The following RAB28 variants were observed in gnomAD, a reference collection of about 807,000 sequenced individuals.
The protein encoded by RAB28 is RAB28, member RAS oncogene family, also known as ras-related protein Rab-28.
A neutral mutation model predicts 31.7 loss-of-function variants in RAB28; 24 were observed. That is an observed-to-expected ratio of 0.76 (90% CI 0.55 to 1.06). The LOEUF (loss-of-function observed/expected upper bound fraction) is 1.06, where lower values mean the gene tolerates loss of function less well. Among genes scored for constraint, RAB28 ranks in the 50% least tolerant of loss-of-function variants. The pLI is 0.00. For synonymous variants in RAB28, 100 were observed against 90.4 expected, an observed-to-expected ratio of 1.11 and a Z score of -0.60; for missense variants, 254 against 258.5, an observed-to-expected ratio of 0.98 and a Z score of 0.12.
At chr4:13,391,629 G>C (rs1460605907) in intron 4 of RAB28, among the ~76,000 whole-genome samples, 1 of 152,048 alleles carries the variant, frequency 6.6e-6, no homozygotes, top group Non-Finnish European at 1.5e-5. Context: ...GGCACTATTC[G>C]CAATAGCAAA....
In RAB28 at chr4:13,368,634, T is replaced by A. The variant is rs761213501; in HGVS notation, c.590A>T (p.Asp197Val). The A allele has an allele frequency of 1.9e-6, 3 of 1,611,954 alleles. No homozygotes were observed. Among genetic ancestry groups the A allele is most frequent in the Non-Finnish European group, 2.5e-6 (3 of 1,178,694 alleles). The stretch of plus-strand genomic sequence containing the variant: ...AGGTTCCTGGTTGTAGTTTACAATA[T>A]CTGCCTTCACCACCCTCTGTCATAA... ...IEQSQRVVKA[D>V]IVNYNQEPMS... is the part of the protein sequence containing the mutation. The change falls in exon 7 of 7, where the codon GAT (aspartate) becomes GTT (valine). Residue 197 changes from aspartate to valine, a missense_variant. Physicochemically the swap from Asp to Val is radical, Grantham distance 152. Coordinates refer to ENST00000330852, the MANE Select transcript of RAB28 (RefSeq NM_001017979.3).
chr4:13,394,129 G>A (rs1392824706), intron 4 of RAB28, among the ~76,000 whole-genome samples: 1 of 152,198 alleles, frequency 6.6e-6, no homozygotes, highest in Non-Finnish European at 1.5e-5. Flanking sequence ...CAGAGTGAAA[G>A]AGAGGAGTAG....
intron 3 of RAB28, among the ~76,000 whole-genome samples, chr4:13,468,170 A>T (rs1715954067): frequency 6.6e-6 from 1 of 151,984 alleles, no homozygotes; most frequent in South Asian, 2.1e-4. Flanking sequence ...CTAGAGTTGA[A>T]GACTTTTTTC....
intron 4 of RAB28, among the ~76,000 whole-genome samples, chr4:13,423,485 G>A (rs1713294597): frequency 1.3e-5 from 2 of 151,344 alleles, no homozygotes; most frequent in Admixed American, 1.3e-4. Context: ...CTCCGTCTCG[G>A]GGGGGAAAAA....
At chr4:13,438,456 C>T (rs1157398682) in intron 4 of RAB28, among the ~76,000 whole-genome samples, 1 of 152,054 alleles carries the variant, frequency 6.6e-6, no homozygotes, top group Non-Finnish European at 1.5e-5. Context: ...TCTCCTCAGC[C>T]CCAACCTACT....
intron 4 of RAB28, among the ~76,000 whole-genome samples, chr4:13,408,479 T>C (rs558256944): frequency 7.9e-5 from 12 of 152,252 alleles, no homozygotes; most frequent in Non-Finnish European, 1.5e-4. Context: ...TTTTCTTTTT[T>C]TGTGTGTGTC....
intron 3 of RAB28, among the ~76,000 whole-genome samples, chr4:13,473,301 A>G (rs1045084665): frequency 1.3e-5 from 2 of 151,928 alleles, no homozygotes; most frequent in African/African-American, 2.4e-5. Flanking sequence ...CCAAACTCCA[A>G]TAAAGAACTA....
At chr4:13,466,120 C>G (rs1431651272) in intron 3 of RAB28, among the ~76,000 whole-genome samples, 1 of 151,812 alleles carries the variant, frequency 6.6e-6, no homozygotes, top group African/African-American at 2.4e-5. Flanking sequence ...AAAATTACTA[C>G]AAGAAAATGT....
At chr4:13,467,724 GAAAC>G (rs1715929059) in intron 3 of RAB28, among the ~76,000 whole-genome samples, 1 of 151,816 alleles carries the variant, frequency 6.6e-6, no homozygotes, top group Non-Finnish European at 1.5e-5. Flanking sequence ...GAGGGGATAA[GAAAC>G]AAAGAACATG....
rs1716766960 is a variant in RAB28, at chr4:13,484,260, C to G, written c.-110G>C. ...GAGGTAGTTGCGGCAGGACCCCCGC[C>G]CCGGTGTCTCCGCGCCGGCAGGAGG... On this transcript the variant is annotated 5_prime_UTR_variant, in exon 1 of 7. Transcript: ENST00000330852. The G allele has an allele frequency of 1.3e-6, 1 of 797,814 alleles. No homozygotes were observed. Among genetic ancestry groups the G allele is most frequent in the African/African-American group, 1.7e-5 (1 of 58,414 alleles). The allele number at this position is 797,814 out of a possible 1,614,324, so 49.4% of individuals were successfully genotyped here.
At chr4:13,403,164 G>C (rs961554199) in intron 4 of RAB28, among the ~76,000 whole-genome samples, 5 of 152,162 alleles carry the variant, frequency 3.3e-5, no homozygotes. Context: ...TCCTAGGAAA[G>C]ACAGAAACAG....
At chr4:13,383,533 A>T (rs1729224584) in intron 4 of RAB28, among the ~76,000 whole-genome samples, 1 of 152,094 alleles carries the variant, frequency 6.6e-6, no homozygotes, top group Non-Finnish European at 1.5e-5. Flanking sequence ...TATGCCAGGT[A>T]TTGTGGCAGG....
chr4:13,445,587 C>T (rs983883306), intron 4 of RAB28, among the ~76,000 whole-genome samples: 4 of 151,948 alleles, frequency 2.6e-5, no homozygotes, highest in African/African-American at 9.7e-5. Flanking sequence ...CGTTGCTTTC[C>T]ATTTGTTTTT....
chr4:13,398,573 T>C (rs529559285), intron 4 of RAB28, among the ~76,000 whole-genome samples: 1 of 152,146 alleles, frequency 6.6e-6, no homozygotes. Context: ...GGTCAGGAGA[T>C]AGAGACCATC....
chr4:13,405,637 T>C (rs187888642), intron 4 of RAB28, among the ~76,000 whole-genome samples: 18 of 152,268 alleles, frequency 1.2e-4, no homozygotes, highest in African/African-American at 3.8e-4. Flanking sequence ...TCTCAATAAA[T>C]ATTGTAATCA....
At chr4:13,449,961 G>A (rs1405901062) in intron 4 of RAB28, among the ~76,000 whole-genome samples, 2 of 151,586 alleles carry the variant, frequency 1.3e-5, no homozygotes, top group Non-Finnish European at 3.0e-5. Context: ...AAGGCATAAC[G>A]GATTAAAGAT....
intron 2 of RAB28, among the ~76,000 whole-genome samples, chr4:13,476,434 T>G (rs576261517): frequency 1.3e-5 from 2 of 151,516 alleles, no homozygotes; most frequent in Non-Finnish European, 3.0e-5. Context: ...TTACTGATAG[T>G]CCACTAATAT....
chr4:13,411,185 T>C (rs561575828), intron 4 of RAB28, among the ~76,000 whole-genome samples: 2 of 152,120 alleles, frequency 1.3e-5, no homozygotes, highest in South Asian at 2.1e-4. Context: ...ACAATGACTA[T>C]AGGTTATAAG....
chr4:13,387,271 C>A (rs565973510), intron 4 of RAB28, among the ~76,000 whole-genome samples: 74 of 152,126 alleles, frequency 4.9e-4, no homozygotes, highest in African/African-American at 1.7e-3. Flanking sequence ...AGGAAGTTAA[C>A]ATGATTAGCA....
Sources: allele counts gnomAD v4.1 joint callset (sites outside exome capture counted in the v4.1 genomes callset), GRCh38; gene constraint gnomAD v4.1.1; transcripts MANE v1.5; gene names NCBI Gene and HGNC (gene_info 2026-07-23, HGNC 2026-07-21).